The following SLC6A5 variants were observed in gnomAD, a reference collection of about 807,000 sequenced individuals.
SLC6A5 encodes the protein sodium- and chloride-dependent glycine transporter 2.
A neutral mutation model predicts 90.5 loss-of-function variants in SLC6A5; 58 were observed. The ratio of observed to expected loss-of-function variants is 0.64; its 90% confidence interval spans 0.52 to 0.80. SLC6A5 has a LOEUF of 0.80. Among genes scored for constraint, SLC6A5 ranks in the 30% least tolerant of loss-of-function variants. The pLI, the probability that SLC6A5 is intolerant of heterozygous loss-of-function variation, is 0.00. For missense variants in SLC6A5, 1,015 were observed against 1,017.6 expected (o/e 1.00, Z 0.03); for synonymous variants, 427 against 401.4 (o/e 1.06, Z -0.76).
At chr11:20,651,576 G>A (rs1484672261) in intron 14 of SLC6A5, among the ~76,000 whole-genome samples, 1 of 151,426 alleles carries the variant, frequency 6.6e-6, no homozygotes, top group Admixed American at 6.6e-5. Context: ...CCTGGCCTGG[G>A]TTTCTTTCTT....
At position 20,652,326 on chromosome 11, in the gene SLC6A5, T is replaced by C. The variant is rs750789309; in HGVS notation, c.2108T>C (p.Met703Thr). 3 of 1,614,088 alleles carry C rather than the reference T, an allele frequency of 1.9e-6. No homozygotes were observed. The East Asian group carries it at 6.7e-5, about 36-fold the overall frequency. ...LCFSFYQWEP[M>T]TYGSYRYPNW... ...TTCAGCTTTTACCAGTGGGAGCCCATGACCTATGGCTCTTACCGCTATCCT... is the reference window on the plus strand; with the variant it reads ...TTCAGCTTTTACCAGTGGGAGCCCACGACCTATGGCTCTTACCGCTATCCT... Residue 703 changes from methionine (M) to threonine (T), a missense_variant, in exon 15 of 16, where the codon ATG becomes ACG. Physicochemically the swap from Met to Thr is moderately conservative, Grantham distance 81. Transcript: ENST00000525748.
In SLC6A5 at chr11:20,655,523, T is replaced by G. The variant is rs1853626739; in HGVS notation, c.*655T>G. 6.5e-6 allele frequency: 1 copy of G among 153,064 alleles called. No homozygotes were observed. The highest frequency in any genetic ancestry group is 1.5e-5 in the Non-Finnish European group (1 of 68,606). The allele number at this position is 153,064 out of a possible 1,614,324, so 9.5% of individuals were successfully genotyped here. A position where few individuals can be genotyped will look rare whatever the true frequency, so the allele number is the denominator to read the frequency against. On this transcript the variant is annotated 3_prime_UTR_variant, in exon 16 of 16. Coordinates refer to ENST00000525748, the MANE Select transcript of SLC6A5 (RefSeq NM_004211.5). ...ACAGTCTACACATTGTGACTTTGAT[T>G]GAACTGTCAGTTTTCTTCCCTCAAC...
chr11:20,623,982 C>A (rs766275727), intron 7 of SLC6A5, among the ~76,000 whole-genome samples: 2 of 151,992 alleles, frequency 1.3e-5, no homozygotes, highest in Non-Finnish European at 2.9e-5. Context: ...TTGGTTGACT[C>A]TCTCCCCAGC....
At position 20,601,177 on chromosome 11, in the gene SLC6A5, G is replaced by C. The variant is rs779942621; in HGVS notation, c.52G>C (p.Glu18Gln). ...GAATAAACTGCCAGCCAACAGCCCG[G>C]AGGCGGCGGCGGCGCAGGGCCACCC... is the stretch of plus-strand genomic sequence containing the variant. ...EMNKLPANSP[E>Q]AAAAQGHPDG... Residue 18 changes from glutamate to glutamine, a missense_variant, in exon 2 of 16, where the codon GAG (glutamate) becomes CAG (glutamine). This residue lies in a region of SLC6A5 where 567 missense variants were observed against 507.3 expected (regional missense o/e 1.12). Coordinates refer to ENST00000525748, the MANE Select transcript of SLC6A5 (RefSeq NM_004211.5). 8.8e-6 allele frequency: 14 copies of C among 1,589,546 alleles called. No homozygotes were observed. In the Admixed American group the frequency reaches 2.2e-4, roughly 25 times the overall value.
At position 20,636,365 on chromosome 11, in the gene SLC6A5, G is replaced by A. The variant is rs147215703; in HGVS notation, c.1683G>A (p.Pro561=). The change falls in exon 11 of 16, where the codon CCG becomes CCA. Residue 561 remains proline (P), a synonymous_variant. Coordinates refer to ENST00000525748, the MANE Select transcript of SLC6A5 (RefSeq NM_004211.5). Reference sequence around the variant, plus strand: ...CCTTAACCAGGCTGCCTCTCTCTCCGTTCTGGGCCATCATCTTTTTCCTGA... The same window carrying A: ...CCTTAACCAGGCTGCCTCTCTCTCCATTCTGGGCCATCATCTTTTTCCTGA... ...PEALTRLPLS[P]FWAIIFFLML... is the part of the protein sequence containing the mutation. 65 of 1,613,998 alleles carry A rather than the reference G, an allele frequency of 4.0e-5. No homozygotes were observed. The highest frequency in any genetic ancestry group is 1.9e-4 in the African/African-American group (14 of 75,018).
At position 20,654,995 on chromosome 11, in the gene SLC6A5, G is replaced by C. The variant is rs1376619042; in HGVS notation, c.*127G>C. 3 of 1,014,982 alleles carry C rather than the reference G, an allele frequency of 3.0e-6. No homozygotes were observed. The highest frequency in any genetic ancestry group is 4.7e-6 in the Non-Finnish European group (3 of 637,008). The allele number at this position is 1,014,982 out of a possible 1,614,324, so 62.9% of individuals were successfully genotyped here. ...TACATCTTGGTTCACATCCACGCAT[G>C]AGAGTGATTATGTAGAAAAGTAGGC... On this transcript the variant is annotated 3_prime_UTR_variant, in exon 16 of 16. Coordinates refer to ENST00000525748, the MANE Select transcript of SLC6A5 (RefSeq NM_004211.5).
At chr11:20,622,798 CA>C (rs1416634783) in intron 7 of SLC6A5, among the ~76,000 whole-genome samples, 1 of 144,496 alleles carries the variant, frequency 6.9e-6, no homozygotes, top group African/African-American at 2.6e-5. Flanking sequence ...CTTCCATCCT[CA>C]TTTCCCACCA....
rs1004817850 is a variant in SLC6A5, at chr11:20,613,249, A to G, written c.986-1430A>G. On this transcript the variant is annotated intron_variant, in intron 5 of 15. Transcript: ENST00000525748. ...TCTCATAGGGGGTGGTGTGAGGCTT[A>G]AATTAGTCAATGCATGTAAAGTACT... Among the ~76,000 whole-genome samples the G allele has an allele frequency of 2.0e-5, 3 of 152,242 alleles. No individual in the cohort carries two copies. In the South Asian group the frequency reaches 6.2e-4, roughly 31 times the overall value.
At chr11:20,634,619 T>C (rs1319249674) in intron 10 of SLC6A5, among the ~76,000 whole-genome samples, 3 of 152,250 alleles carry the variant, frequency 2.0e-5, no homozygotes, top group Non-Finnish European at 4.4e-5. Flanking sequence ...TTTTGAACTT[T>C]AGTTTAATAC....
At chr11:20,616,880 A>G (rs1237780083) in intron 6 of SLC6A5, among the ~76,000 whole-genome samples, 1 of 152,232 alleles carries the variant, frequency 6.6e-6, no homozygotes, top group Non-Finnish European at 1.5e-5. Flanking sequence ...TCATTCCTAC[A>G]GTCCTACAGA....
chr11:20,614,027 T>A (rs1403192453), intron 5 of SLC6A5, among the ~76,000 whole-genome samples: 1 of 152,162 alleles, frequency 6.6e-6, no homozygotes, highest in Non-Finnish European at 1.5e-5. Context: ...TCAGGTCCTG[T>A]CACAGGATCC....
chr11:20,630,244 C>T (rs1853082733), intron 9 of SLC6A5, among the ~76,000 whole-genome samples: 1 of 152,146 alleles, frequency 6.6e-6, no homozygotes, highest in Non-Finnish European at 1.5e-5. Flanking sequence ...GTTGCTGTGT[C>T]TTCATATGGT....
At chr11:20,645,867 C>G (rs1047804733) in intron 13 of SLC6A5, among the ~76,000 whole-genome samples, 1 of 152,070 alleles carries the variant, frequency 6.6e-6, no homozygotes, top group African/African-American at 2.4e-5. Flanking sequence ...GATCTCCTGA[C>G]CTCGTGATCC....
At chr11:20,650,404 G>A (rs981017185) in intron 14 of SLC6A5, among the ~76,000 whole-genome samples, 1 of 152,174 alleles carries the variant, frequency 6.6e-6, no homozygotes, top group Non-Finnish European at 1.5e-5. Flanking sequence ...GCTAGCCCAA[G>A]TGTGCAGTGA....
At chr11:20,633,720 C>T (rs891011363) in intron 10 of SLC6A5, among the ~76,000 whole-genome samples, 4 of 152,134 alleles carry the variant, frequency 2.6e-5, no homozygotes, top group Non-Finnish European at 5.9e-5. Flanking sequence ...TGTTCTAAGC[C>T]TTTTACTTGT....
chr11:20,613,153 C>A (rs561605527), intron 5 of SLC6A5, among the ~76,000 whole-genome samples: 2 of 152,136 alleles, frequency 1.3e-5, no homozygotes, highest in Admixed American at 1.3e-4. Context: ...GATGTATGAC[C>A]TTGGCTAGCC....
At chr11:20,651,400 A>C (rs969027142) in intron 14 of SLC6A5, among the ~76,000 whole-genome samples, 8 of 150,764 alleles carry the variant, frequency 5.3e-5, no homozygotes, top group African/African-American at 1.9e-4. Context: ...CAGCCTCCCA[A>C]GTAGCTGGGA....
chr11:20,614,731 C>T lies in SLC6A5; in HGVS notation c.1038C>T (p.Phe346=). The T allele has an allele frequency of 6.2e-7, 1 of 1,613,964 alleles. No homozygotes were observed. Among genetic ancestry groups the T allele is most frequent in the South Asian group, 1.1e-5 (1 of 91,078 alleles). The change falls in exon 6 of 16, where the codon TTC becomes TTT. Residue 346 remains phenylalanine, a synonymous_variant. Coordinates refer to ENST00000525748, the MANE Select transcript of SLC6A5 (RefSeq NM_004211.5). ...AAATACAGATCAAGAACTCGACTTT[C>T]TGCATGACCGCTTATCCCAACGTGA... The part of the protein sequence containing the change: ...HPKIQIKNST[F]CMTAYPNVTM...
At chr11:20,602,956 G>T (rs1321569083) in intron 2 of SLC6A5, among the ~76,000 whole-genome samples, 1 of 152,244 alleles carries the variant, frequency 6.6e-6, no homozygotes, top group African/African-American at 2.4e-5. Context: ...CCCACCCTTT[G>T]CAGCCCTGGA....
Sources: gnomAD v4.1 joint callset for allele counts (sites outside exome capture counted in the v4.1 genomes callset) on GRCh38, gnomAD v4.1.1 for gene constraint, gnomAD v4.1.1 regional missense constraint, MANE v1.5 for transcripts, NCBI Gene and HGNC (gene_info 2026-07-23, HGNC 2026-07-21) for gene names.